SETBP1: variants seen among roughly 807,000 people sequenced by gnomAD.
SETBP1 encodes the protein SET-binding protein.
In SETBP1, 9 loss-of-function variants were observed where a neutral mutation model predicts 101.0. That is an observed-to-expected ratio of 0.09 (90% CI 0.05 to 0.16). SETBP1 has a LOEUF of 0.16. Among genes scored for constraint, SETBP1 ranks in the 10% least tolerant of loss-of-function variants. The pLI is 1.00. For synonymous variants in SETBP1, 818 were observed against 788.5 expected, an observed-to-expected ratio of 1.04 and a Z score of -0.63; for missense variants, 1,858 against 2,033.8, an observed-to-expected ratio of 0.91 and a Z score of 1.66.
intron 2 of SETBP1, among the ~76,000 whole-genome samples, chr18:44,712,897 C>T (rs1000367004): frequency 6.6e-6 from 1 of 150,628 alleles, no homozygotes; most frequent in Non-Finnish European, 1.5e-5. Context: ...CTTCCAAAAT[C>T]GTGGATATTG....
intron 2 of SETBP1, among the ~76,000 whole-genome samples, chr18:44,859,125 A>G (rs1021390341): frequency 6.6e-6 from 1 of 152,126 alleles, no homozygotes; most frequent in African/African-American, 2.4e-5. Flanking sequence ...GGGAGAGAAG[A>G]TACACATGAT....
At chr18:44,811,335 A>G (rs946012831) in intron 2 of SETBP1, among the ~76,000 whole-genome samples, 1 of 152,272 alleles carries the variant, frequency 6.6e-6, no homozygotes, top group Admixed American at 6.5e-5. Flanking sequence ...GTGCTCACAC[A>G]TATGCATGTG....
chr18:44,722,484 A>T (rs999165291), intron 2 of SETBP1, among the ~76,000 whole-genome samples: 6 of 152,194 alleles, frequency 3.9e-5, no homozygotes, highest in Non-Finnish European at 5.9e-5. Context: ...TTTGCTACCA[A>T]TGGATCCTTC....
At chr18:44,990,661 A>AC (rs1375139892) in intron 4 of SETBP1, among the ~76,000 whole-genome samples, 9 of 151,276 alleles carry the variant, frequency 5.9e-5, no homozygotes, top group African/African-American at 1.5e-4. Context: ...ACACACACAG[A>AC]CCCCCCCACA....
intron 3 of SETBP1, among the ~76,000 whole-genome samples, chr18:44,883,755 T>C (rs1036967821): frequency 6.6e-6 from 1 of 152,212 alleles, no homozygotes; most frequent in African/African-American, 2.4e-5. Context: ...AAGAAGACAC[T>C]GAGGCAGATT....
At chr18:44,746,538 G>T (rs2070252030) in intron 2 of SETBP1, among the ~76,000 whole-genome samples, 1 of 152,128 alleles carries the variant, frequency 6.6e-6, no homozygotes. Context: ...GTTCACACAG[G>T]GGTTATCAAA....
intron 2 of SETBP1, among the ~76,000 whole-genome samples, chr18:44,760,717 G>T (rs986509771): frequency 2.0e-5 from 3 of 152,122 alleles, no homozygotes; most frequent in African/African-American, 7.2e-5. Context: ...ACTAGACCTA[G>T]AATTTGATTT....
chr18:45,020,774 C>A (rs1237655290), intron 4 of SETBP1, among the ~76,000 whole-genome samples: 1 of 152,168 alleles, frequency 6.6e-6, no homozygotes, highest in Non-Finnish European at 1.5e-5. Flanking sequence ...CTGAAGTCAC[C>A]TCTGTATGGA....
At chr18:44,817,133 T>C (rs1313816998) in intron 2 of SETBP1, among the ~76,000 whole-genome samples, 1 of 152,160 alleles carries the variant, frequency 6.6e-6, no homozygotes, top group Non-Finnish European at 1.5e-5. Flanking sequence ...CAAATGACTT[T>C]ATGTAGTGAT....
intron 2 of SETBP1, among the ~76,000 whole-genome samples, chr18:44,735,349 G>C (rs1276027345): frequency 6.6e-6 from 1 of 152,156 alleles, no homozygotes; most frequent in African/African-American, 2.4e-5. Context: ...GGGCTCAGCT[G>C]TTTCTTCCTT....
At chr18:44,869,349 A>G in intron 3 of SETBP1, 66 bp downstream of exon 3, 1 of 1,469,378 alleles carries the variant, frequency 6.8e-7, no homozygotes, top group Non-Finnish European at 9.5e-7. Context: ...GGTTGTCAAC[A>G]AGCACCTTTG....
chr18:44,973,514 CAG>C (rs2071915690), intron 4 of SETBP1, among the ~76,000 whole-genome samples: 1 of 152,134 alleles, frequency 6.6e-6, no homozygotes, highest in Non-Finnish European at 1.5e-5. Flanking sequence ...CTCTTAGAAA[CAG>C]AGAAGGGCAC....
intron 4 of SETBP1, among the ~76,000 whole-genome samples, chr18:44,974,489 C>T (rs551652710): frequency 2.0e-5 from 3 of 152,156 alleles, no homozygotes; most frequent in African/African-American, 7.2e-5. Flanking sequence ...TATTCACCCT[C>T]ACCTGCTATG....
chr18:44,811,664 C>A (rs2071864960), intron 2 of SETBP1, among the ~76,000 whole-genome samples: 5 of 152,202 alleles, frequency 3.3e-5, no homozygotes, highest in Admixed American at 3.3e-4. Context: ...TTTAAAGTTG[C>A]AGTTAAACTT....
intron 2 of SETBP1, among the ~76,000 whole-genome samples, chr18:44,772,488 C>CG (rs1173160632): frequency 5.9e-5 from 9 of 151,992 alleles, no homozygotes; most frequent in Non-Finnish European, 1.3e-4. Context: ...TGCTGGTGCC[C>CG]GTCAGGGAGA....
intron 2 of SETBP1, among the ~76,000 whole-genome samples, chr18:44,817,684 C>CAA (rs767308052): frequency 2.6e-5 from 2 of 76,318 alleles, no homozygotes. Context: ...GACTCCATCT[C>CAA]AAAAAAAAAA....
intron 2 of SETBP1, among the ~76,000 whole-genome samples, chr18:44,705,562 A>C (rs528831638): frequency 6.6e-6 from 1 of 152,310 alleles, no homozygotes; most frequent in African/African-American, 2.4e-5. Flanking sequence ...TAAGTGAACC[A>C]GTTAATTTTG....
chr18:45,018,834 A>G (rs1046423924), intron 4 of SETBP1, among the ~76,000 whole-genome samples: 4 of 152,204 alleles, frequency 2.6e-5, no homozygotes, highest in African/African-American at 9.7e-5. Context: ...TTACGGAGCT[A>G]TGGCATAGGC....
Position 44,701,743 on chromosome 18 carries a change from A to G in SETBP1, c.397A>G (p.Ile133Val), listed in dbSNP as rs746250719. ...ATGTCCACCTGAGATCAAGATCACC[A>G]TCAAGCAGTCTGGGGACCAGAAGGT... Reference protein sequence around the residue: ...YICPPEIKITIKQSGDQKVSR... With the variant: ...YICPPEIKITVKQSGDQKVSR... The change falls in exon 2 of 6, where the codon ATC (isoleucine) becomes GTC (valine). Residue 133 changes from isoleucine to valine, a missense_variant. This residue lies in a region of SETBP1 where 581 missense variants were observed against 535.1 expected (regional missense o/e 1.09). Transcript: ENST00000649279. The G allele has an allele frequency of 1.2e-6, 2 of 1,614,182 alleles. No individual in the cohort carries two copies. Among genetic ancestry groups the G allele is most frequent in the Non-Finnish European group, 1.7e-6 (2 of 1,180,028 alleles).
Sources: allele counts gnomAD v4.1 joint callset (sites outside exome capture counted in the v4.1 genomes callset), GRCh38; gene constraint gnomAD v4.1.1; regional missense constraint gnomAD v4.1.1; transcripts MANE v1.5; gene names NCBI Gene and HGNC (gene_info 2026-07-23, HGNC 2026-07-21).